The following FNIP2 variants were observed in gnomAD, a reference collection of about 807,000 sequenced individuals.
FNIP2 encodes folliculin interacting protein 2.
In FNIP2, 32 loss-of-function variants were observed where a neutral mutation model predicts 108.7. The ratio of observed to expected loss-of-function variants is 0.29; its 90% CI spans 0.22 to 0.40. FNIP2 has a LOEUF of 0.40. Ranked by LOEUF, FNIP2 falls within the 10% of genes least tolerant of loss-of-function variation. FNIP2 has a pLI of 1.00. For missense variants in FNIP2, 1,202 were observed against 1,381.6 expected, an observed-to-expected ratio of 0.87 and a Z score of 2.06; for synonymous variants, 480 against 496.7, an observed-to-expected ratio of 0.97 and a Z score of 0.45.
intron 14 of FNIP2, among the ~76,000 whole-genome samples, chr4:158,890,556 C>T (rs896037475): frequency 2.0e-5 from 3 of 152,152 alleles, no homozygotes; most frequent in African/African-American, 7.2e-5. Context: ...TGGATTAAGT[C>T]GTAAAAATTA....
intron 14 of FNIP2, among the ~76,000 whole-genome samples, chr4:158,883,243 G>GC (rs1553965247): frequency 1.3e-5 from 2 of 151,146 alleles, no homozygotes; most frequent in African/African-American, 4.9e-5. Context: ...TGTGTTTTTT[G>GC]TTTTTTTTGT....
At chr4:158,822,442 T>C (rs1350832861) in intron 1 of FNIP2, among the ~76,000 whole-genome samples, 1 of 152,152 alleles carries the variant, frequency 6.6e-6, no homozygotes, top group Non-Finnish European at 1.5e-5. Context: ...CCCAAAGTCC[T>C]GGGATTACAG....
At chr4:158,864,020 A>G (rs1473626403) in intron 12 of FNIP2, among the ~76,000 whole-genome samples, 1 of 152,158 alleles carries the variant, frequency 6.6e-6, no homozygotes, top group Non-Finnish European at 1.5e-5. Context: ...TCAGAAATCA[A>G]ACCATGTATT....
At chr4:158,829,027 C>T (rs1344833249) in intron 2 of FNIP2, 52 bp from the exon 3 acceptor site, 7 of 1,416,268 alleles carry the variant, frequency 4.9e-6, no homozygotes, top group South Asian at 1.5e-5. Flanking sequence ...GAACTGTTGA[C>T]GAACCTGATA....
intron 15 of FNIP2, among the ~76,000 whole-genome samples, chr4:158,892,502 C>T (rs955639715): frequency 6.6e-6 from 1 of 152,110 alleles, no homozygotes. Context: ...AATTAACATG[C>T]ATGACAAAAT....
chr4:158,904,368 A>G, intron 16 of FNIP2, 98 bp from the exon 17 acceptor site: 3 of 1,060,558 alleles, frequency 2.8e-6, no homozygotes, highest in Middle Eastern at 4.8e-4. Context: ...TATCAAACTT[A>G]GTACCTAGAA....
chr4:158,783,204 A>T (rs988773304), intron 1 of FNIP2, among the ~76,000 whole-genome samples: 1 of 152,194 alleles, frequency 6.6e-6, no homozygotes, highest in Non-Finnish European at 1.5e-5. Context: ...TTCCTTTCAG[A>T]ATTATGTCAA....
intron 4 of FNIP2, 23 bp downstream of exon 4, chr4:158,831,984 A>G (rs949573286): frequency 3.1e-6 from 5 of 1,603,760 alleles, no homozygotes; most frequent in Non-Finnish European, 4.3e-6. Context: ...TTCCTTTTCT[A>G]CTAGTTTTGA....
chr4:158,806,047 T>TC, intron 1 of FNIP2: 1 of 882,242 alleles, frequency 1.1e-6, no homozygotes, highest in Non-Finnish European at 1.4e-6. Flanking sequence ...CACCTTTTTT[T>TC]TTTTTTAAAC....
intron 7 of FNIP2, among the ~76,000 whole-genome samples, chr4:158,850,147 G>T (rs1779618141): frequency 6.6e-6 from 1 of 152,206 alleles, no homozygotes; most frequent in Non-Finnish European, 1.5e-5. Flanking sequence ...AAGTATAAAT[G>T]TAATAGTTCA....
intron 7 of FNIP2, among the ~76,000 whole-genome samples, chr4:158,849,718 G>A (rs1278471761): frequency 6.6e-6 from 1 of 152,000 alleles, no homozygotes; most frequent in Non-Finnish European, 1.5e-5. Context: ...TTGAAATGTG[G>A]ATTTGGTTTT....
At chr4:158,783,897 C>T (rs760862080) in intron 1 of FNIP2, among the ~76,000 whole-genome samples, 1 of 152,036 alleles carries the variant, frequency 6.6e-6, no homozygotes, top group Non-Finnish European at 1.5e-5. Flanking sequence ...TTCTTGGGGA[C>T]CTAACCGGTA....
intron 7 of FNIP2, among the ~76,000 whole-genome samples, chr4:158,842,658 G>C (rs766162004): frequency 6.6e-6 from 1 of 151,964 alleles, no homozygotes; most frequent in Admixed American, 6.6e-5. Flanking sequence ...ACATATCCAC[G>C]TAACAAAACT....
In FNIP2 at chr4:158,859,167, A is replaced by G; in HGVS notation, c.968A>G (p.Glu323Gly). ...ATCATCTTTTCCCTATGTGAGAAAG[A>G]AGAAGCACAAAGGAATTTCCAGGAC... ...ISIIFSLCEK[E>G]EAQRNFQDFF... The change falls in exon 9 of 17, where the codon GAA becomes GGA. Residue 323 changes from glutamate (E) to glycine (G), a missense_variant. Glu to Gly is a moderately conservative substitution (Grantham distance 98). Around this residue, in one of 5 missense-constraint regions of FNIP2, gnomAD observed 878 missense variants for 990.3 expected, o/e 0.89. Transcript: ENST00000264433. 1 of 1,613,956 alleles carries G rather than the reference A, an allele frequency of 6.2e-7. No homozygotes were observed.
At chr4:158,836,644 C>CA (rs200077976) in intron 7 of FNIP2, 1,247 of 123,572 alleles carry the variant, frequency 0.01, 9 homozygotes, top group African/African-American at 0.017. Context: ...ACTAAAAATA[C>CA]AAAAAAAAAA....
At chr4:158,881,193 C>T (rs545435606) in intron 14 of FNIP2, among the ~76,000 whole-genome samples, 1 of 150,520 alleles carries the variant, frequency 6.6e-6, no homozygotes, top group South Asian at 2.1e-4. Context: ...CGTCTCCCTC[C>T]ACGGTCTCCC....
intron 1 of FNIP2, among the ~76,000 whole-genome samples, chr4:158,820,436 TC>T (rs763594910): frequency 6.6e-6 from 1 of 152,200 alleles, no homozygotes; most frequent in Non-Finnish European, 1.5e-5. Flanking sequence ...TGGCCATTAC[TC>T]CTTGAAACCC....
At chr4:158,841,470 GTT>G (rs1175763041) in intron 7 of FNIP2, among the ~76,000 whole-genome samples, 1 of 152,192 alleles carries the variant, frequency 6.6e-6, no homozygotes, top group Non-Finnish European at 1.5e-5. Context: ...ATGGCATCCC[GTT>G]TGTACGTGAA....
intron 1 of FNIP2, among the ~76,000 whole-genome samples, chr4:158,775,184 G>A (rs566229983): frequency 1.4e-4 from 22 of 152,270 alleles, no homozygotes; most frequent in Non-Finnish European, 2.1e-4. Flanking sequence ...TTGGGAACTG[G>A]TAATGTGCTT....
Sources: allele counts gnomAD v4.1 joint callset (sites outside exome capture counted in the v4.1 genomes callset), GRCh38; gene constraint gnomAD v4.1.1; regional missense constraint gnomAD v4.1.1; transcripts MANE v1.5; gene names NCBI Gene and HGNC (gene_info 2026-07-23, HGNC 2026-07-21).